Variants in PCDHA10 observed in about 807,000 individuals in gnomAD.
PCDHA10 encodes protocadherin alpha 10.
In PCDHA10, 45 loss-of-function variants were observed where a neutral mutation model predicts 61.2. The observed-to-expected ratio is 0.74, with a 90% CI of 0.58 to 0.94. The LOEUF is 0.94. Among genes scored for constraint, PCDHA10 ranks in the 40% least tolerant of loss-of-function variants. The probability of loss-of-function intolerance (pLI) is 0.00; values close to 1 mark genes in which losing one functional copy is unlikely to be tolerated. For missense variants in PCDHA10, 1,278 were observed against 1,236.2 expected (o/e 1.03, Z -0.51); for synonymous variants, 602 against 548.8 (o/e 1.10, Z -1.35).
chr5:140,863,445 C>A, intron 1 of PCDHA10: 1 of 582,886 alleles, frequency 1.7e-6, no homozygotes, highest in South Asian at 1.4e-5. Flanking sequence ...GTCTTACTCG[C>A]AGCAAAGGAG....
At chr5:140,883,910 A>G in intron 1 of PCDHA10, 4 of 1,613,424 alleles carry the variant, frequency 2.5e-6, no homozygotes, top group Non-Finnish European at 3.4e-6. Context: ...TCTGGGCAGC[A>G]ACGTGACGCT....
intron 1 of PCDHA10, chr5:140,862,369 C>G: frequency 2.9e-6 from 1 of 341,442 alleles, no homozygotes; most frequent in South Asian, 2.3e-5. Flanking sequence ...CGACCCGCAC[C>G]CTGACTCCTC....
chr5:140,933,938 T>C (rs1275274532), intron 1 of PCDHA10, among the ~76,000 whole-genome samples: 1 of 152,108 alleles, frequency 6.6e-6, no homozygotes, highest in Non-Finnish European at 1.5e-5. Context: ...TGACTTTTTT[T>C]CACATCTGCA....
chr5:140,914,095 C>T (rs1368870998), intron 1 of PCDHA10, among the ~76,000 whole-genome samples: 1 of 152,082 alleles, frequency 6.6e-6, no homozygotes, highest in Admixed American at 6.5e-5. Context: ...TCAATTTGTT[C>T]TATAGTGCAG....
In PCDHA10 at chr5:141,010,555, C is replaced by CTG; in HGVS notation, c.*618_*619insTG. 2 of 321,156 alleles carry CTG rather than the reference C, an allele frequency of 6.2e-6. No homozygotes were observed. The highest frequency in any genetic ancestry group is 1.1e-4 in the South Asian group (2 of 18,704). 19.9% of individuals were successfully genotyped at this position (321,156 alleles called of 1,614,324 possible). On this transcript the variant is annotated 3_prime_UTR_variant, in exon 4 of 4. Coordinates refer to ENST00000307360, the MANE Select transcript of PCDHA10 (RefSeq NM_018901.4). ...ACCCTCTAGGAGACAAAACTACCCCCACTGACAAGGCTTTAGGAGACCCTA... is the reference window on the plus strand; with the variant it reads ...ACCCTCTAGGAGACAAAACTACCCCCTGACTGACAAGGCTTTAGGAGACCCTA...
chr5:140,942,615 A>G (rs1310858123), intron 1 of PCDHA10, among the ~76,000 whole-genome samples: 1 of 101,274 alleles, frequency 9.9e-6, no homozygotes, highest in African/African-American at 4.7e-5. Context: ...ATATTTGCCA[A>G]TTGTAAAAAA....
chr5:141,007,200 G>T (rs1437076735), intron 3 of PCDHA10, among the ~76,000 whole-genome samples: 2 of 152,010 alleles, frequency 1.3e-5, no homozygotes, highest in Admixed American at 6.6e-5. Context: ...GATGGTGGGG[G>T]CCAGAATATG....
chr5:140,982,706 T>C, intron 3 of PCDHA10, 143 bp downstream of exon 3: 1 of 1,375,170 alleles, frequency 7.3e-7, no homozygotes, highest in Admixed American at 2.9e-5. Flanking sequence ...ATGATTTCCT[T>C]ACATATATGA....
chr5:140,914,933 T>C (rs1025071911), intron 1 of PCDHA10, among the ~76,000 whole-genome samples: 1 of 149,146 alleles, frequency 6.7e-6, no homozygotes, highest in Non-Finnish European at 1.5e-5. Flanking sequence ...TACTATGTTG[T>C]GAAAAGTTGT....
chr5:140,856,762 C>T lies in PCDHA10; in HGVS notation c.714C>T (p.Ala238=). Residue 238 remains alanine, a synonymous_variant, in exon 1 of 4, where the codon GCC becomes GCT. Transcript: ENST00000307360. ...LILVLDANDN[A]PIFDRPVYEV... ...TGGTGTTAGATGCCAATGATAACGC[C>T]CCTATCTTTGACAGACCGGTTTATG... 6.3e-7 allele frequency: 1 copy of T among 1,596,712 alleles called. No individual in the cohort carries two copies. Among genetic ancestry groups the T allele is most frequent in the Non-Finnish European group, 8.6e-7 (1 of 1,166,846 alleles).
intron 1 of PCDHA10, chr5:140,860,059 T>A (rs894082800): frequency 2.7e-5 from 4 of 150,452 alleles, no homozygotes; most frequent in African/African-American, 9.8e-5. Context: ...GAGGCCAAGG[T>A]GGGAGGATGG....
intron 1 of PCDHA10, among the ~76,000 whole-genome samples, chr5:140,951,812 A>G (rs2094639418): frequency 1.3e-5 from 2 of 152,152 alleles, no homozygotes; most frequent in Admixed American, 1.3e-4. Context: ...ATGGTCCCTC[A>G]AAGTCTGAAC....
chr5:140,952,418 A>G (rs1563257684), intron 1 of PCDHA10, among the ~76,000 whole-genome samples: 1 of 152,090 alleles, frequency 6.6e-6, no homozygotes, highest in South Asian at 2.1e-4. Context: ...AATGTTCCGC[A>G]GATTCCTACA....
chr5:141,000,647 C>G (rs1442819157), intron 3 of PCDHA10, among the ~76,000 whole-genome samples: 1 of 151,182 alleles, frequency 6.6e-6, no homozygotes, highest in Non-Finnish European at 1.5e-5. Context: ...AGGCTGGTCT[C>G]GAACTCCTGA....
intron 1 of PCDHA10, among the ~76,000 whole-genome samples, chr5:140,900,051 C>G (rs1489382607): frequency 6.6e-6 from 1 of 152,168 alleles, no homozygotes; most frequent in African/African-American, 2.4e-5. Flanking sequence ...CTCAAGTGAT[C>G]CTTTAACCTC....
intron 1 of PCDHA10, among the ~76,000 whole-genome samples, chr5:140,918,323 T>C (rs1554198562): frequency 7.2e-5 from 11 of 152,184 alleles, no homozygotes. Flanking sequence ...TATAAAATTA[T>C]ATTGTCTGCT....
chr5:140,975,396 A>G (rs1366048936), intron 1 of PCDHA10, among the ~76,000 whole-genome samples: 2 of 152,248 alleles, frequency 1.3e-5, no homozygotes, highest in African/African-American at 4.8e-5. Flanking sequence ...GATCCATCAC[A>G]ATCACAGTCT....
intron 1 of PCDHA10, among the ~76,000 whole-genome samples, chr5:140,888,153 G>A (rs2061714988): frequency 6.6e-6 from 1 of 152,056 alleles, no homozygotes; most frequent in African/African-American, 2.4e-5. Context: ...TTGCATGACT[G>A]GTAATCTCTA....
intron 1 of PCDHA10, among the ~76,000 whole-genome samples, chr5:140,970,781 G>A (rs2096433448): frequency 6.6e-6 from 1 of 152,042 alleles, no homozygotes; most frequent in Admixed American, 6.6e-5. Context: ...CATACATATT[G>A]TATGTAATAT....
Sources: gnomAD v4.1 joint callset for allele counts (sites outside exome capture counted in the v4.1 genomes callset) on GRCh38, gnomAD v4.1.1 for gene constraint, MANE v1.5 for transcripts, NCBI Gene and HGNC (gene_info 2026-07-23, HGNC 2026-07-21) for gene names.